Variants in TGOLN2 observed in about 807,000 individuals in gnomAD.
TGOLN2 encodes trans-golgi network protein 2, also known as trans-Golgi network integral membrane protein 2.
In TGOLN2, 19 loss-of-function variants were observed where a neutral mutation model predicts 31.3. The ratio of observed to expected loss-of-function variants is 0.61; its 90% CI spans 0.42 to 0.89. TGOLN2 has a LOEUF of 0.89. Ranked by LOEUF, TGOLN2 falls within the 40% of genes least tolerant of loss-of-function variation. The probability of loss-of-function intolerance (pLI) is 0.00; values close to 1 mark genes in which losing one functional copy is unlikely to be tolerated. For missense variants in TGOLN2, 540 were observed against 559.2 expected, an observed-to-expected ratio of 0.97 and a Z score of 0.35; for synonymous variants, 222 against 226.7, an observed-to-expected ratio of 0.98 and a Z score of 0.19.
In TGOLN2 at chr2:85,324,922, T is replaced by A. The variant is rs1419095048; in HGVS notation, c.1301A>T (p.Asp434Val). The A allele has an allele frequency of 6.4e-7, 1 of 1,554,590 alleles. No individual in the cohort carries two copies. The highest frequency in any genetic ancestry group is 8.7e-7 in the Non-Finnish European group (1 of 1,148,200). Residue 434 changes from aspartate to valine, a missense_variant, in exon 3 of 4, where the codon GAC (aspartate) becomes GTC (valine). By Grantham distance (152) the Asp-to-Val change is radical (BLOSUM62 -3). Transcript: ENST00000377386. Reference sequence around the variant, plus strand: ...TGGCTCCTCCTTCCTTACCTTCTGGTCCAAACGTTGGTAGTCACTGGCCTT... The same window carrying A: ...TGGCTCCTCCTTCCTTACCTTCTGGACCAAACGTTGGTAGTCACTGGCCTT... Reference protein sequence around the residue: ...RPKASDYQRLDQKS With the variant: ...RPKASDYQRLVQKS
chr2:85,327,586 C>A lies in TGOLN2; in HGVS notation c.146G>T (p.Arg49Leu). Reference protein sequence around the residue: ...NVSTHPSLSQRPGGSTKSHPE... With the variant: ...NVSTHPSLSQLPGGSTKSHPE... ...ATGCGACTTGGTAGAGCCTCCAGGC[C>A]GTTGGCTCAAGCTGGGGTGGGTGGA... Residue 49 changes from arginine to leucine, a missense_variant, in exon 2 of 4, where the codon CGG becomes CTG. Physicochemically the swap from Arg to Leu is moderately radical, Grantham distance 102 (BLOSUM62 -2). Coordinates refer to ENST00000377386, the MANE Select transcript of TGOLN2 (RefSeq NM_006464.4). The A allele has an allele frequency of 6.2e-7, 1 of 1,614,090 alleles. No homozygotes were observed. The highest frequency in any genetic ancestry group is 8.5e-7 in the Non-Finnish European group (1 of 1,179,918).
Position 85,327,389 on chromosome 2 carries a change from C to T in TGOLN2, c.343G>A (p.Glu115Lys). 1 of 1,612,900 alleles carries T rather than the reference C, an allele frequency of 6.2e-7. No homozygotes were observed. Among genetic ancestry groups the T allele is most frequent in the Non-Finnish European group, 8.5e-7 (1 of 1,179,692 alleles). The change falls in exon 2 of 4, where the codon GAG becomes AAG. Residue 115 changes from glutamate to lysine, a missense_variant. Coordinates refer to ENST00000377386, the MANE Select transcript of TGOLN2 (RefSeq NM_006464.4). Reference sequence around the variant, plus strand: ...GTGCTGTCTTTTGTGGTCTGCGCCTCCGAACCCGACTTGCTAGTGCTGCCT... The same window carrying T: ...GTGCTGTCTTTTGTGGTCTGCGCCTTCGAACCCGACTTGCTAGTGCTGCCT... Reference protein sequence around the residue: ...QKGSTSKSGSEAQTTKDSTSK... With the variant: ...QKGSTSKSGSKAQTTKDSTSK...
In TGOLN2 at chr2:85,327,097, G is replaced by C. The variant is rs760031986; in HGVS notation, c.635C>G (p.Ala212Gly). The C allele has an allele frequency of 6.2e-7, 1 of 1,613,626 alleles. No individual in the cohort carries two copies. The highest frequency in any genetic ancestry group is 1.3e-5 in the African/African-American group (1 of 74,842). ...TPKDVPNKSG[A>G]EKQTPKDGSN... is the part of the protein sequence containing the mutation. ...GCCGTCTTTTGGAGTCTGCTTCTCC[G>C]CACCCGACTTGTTAGGGACGTCTTT... Residue 212 changes from alanine (A) to glycine (G), a missense_variant, in exon 2 of 4, where the codon GCG becomes GGG. Transcript: ENST00000377386.
chr2:85,322,297 T>C lies in TGOLN2; in HGVS notation c.*439A>G, dbSNP rs943242493. 4 of 250,750 alleles carry C rather than the reference T, an allele frequency of 1.6e-5. No homozygotes were observed. The highest frequency in any genetic ancestry group is 9.4e-5 in the African/African-American group (4 of 42,568). 15.5% of individuals were successfully genotyped at this position (250,750 alleles called of 1,614,324 possible). ...CCCCTAGGTCTGCAGAGAGAAACAG[T>C]GCAGAGTGCAATGCCACAGTCAAGG... On this transcript the variant is annotated 3_prime_UTR_variant, in exon 4 of 4. Coordinates refer to ENST00000377386, the MANE Select transcript of TGOLN2 (RefSeq NM_006464.4).
Position 85,326,647 on chromosome 2 carries a change from GA to G in TGOLN2, c.1084del (p.Ser362ProfsTer29). 6.2e-7 allele frequency: 1 copy of G among 1,614,020 alleles called. No individual in the cohort carries two copies. Among genetic ancestry groups the G allele is most frequent in the South Asian group, 1.1e-5 (1 of 91,082 alleles). On this transcript the variant is annotated frameshift_variant, in exon 2 of 4. Transcript: ENST00000377386. LOFTEE classifies it high-confidence loss of function. The part of the protein sequence containing the change: ...SENREGTLSD[S>X]TGSEKDDLYP... The stretch of plus-strand genomic sequence containing the variant: ...AAGGTCATCCTTCTCGCTACCCGTG[GA>G]ATCCGAAAGTGTCCCTTCACGGTTC...
At position 85,327,039 on chromosome 2, in the gene TGOLN2, T is replaced by G. The variant is rs1335451697; in HGVS notation, c.693A>C (p.Pro231=). Residue 231 remains proline (P), a synonymous_variant, in exon 2 of 4, where the codon CCA becomes CCC. Coordinates refer to ENST00000377386, the MANE Select transcript of TGOLN2 (RefSeq NM_006464.4). ...SNKSGAEEQG[P]IDGPSKSGAE... ...CACCCGACTTGCTGGGCCCGTCTAT[T>G]GGGCCCTGCTCCTCTGCACCGGACT... The G allele has an allele frequency of 6.2e-7, 1 of 1,613,588 alleles. No homozygotes were observed. Among genetic ancestry groups the G allele is most frequent in the African/African-American group, 1.3e-5 (1 of 74,878 alleles).
In TGOLN2 at chr2:85,322,646, G is replaced by A. The variant is rs1341178314; in HGVS notation, c.*90C>T. ...GAAACAAATCAGCAGGGAGGACAAGGTTCTCAAGGACAAAAAAATCAAAGC... is the reference window on the plus strand; with the variant it reads ...GAAACAAATCAGCAGGGAGGACAAGATTCTCAAGGACAAAAAAATCAAAGC... On this transcript the variant is annotated 3_prime_UTR_variant, in exon 4 of 4. Transcript: ENST00000377386. 2 of 1,595,996 alleles carry A rather than the reference G, an allele frequency of 1.3e-6. No individual in the cohort carries two copies. The highest frequency in any genetic ancestry group is 1.9e-5 in the Admixed American group (1 of 53,962).
Position 85,322,499 on chromosome 2 carries a change from C to A in TGOLN2, c.*237G>T. 1.4e-6 allele frequency: 1 copy of A among 692,772 alleles called. No individual in the cohort carries two copies. Among genetic ancestry groups the A allele is most frequent in the Non-Finnish European group, 2.3e-6 (1 of 427,426 alleles). 42.9% of individuals were successfully genotyped at this position (692,772 alleles called of 1,614,324 possible). Reference sequence around the variant, plus strand: ...AAGGGAACACAGAAGAACAATGTCACCAAAGTGCAGGTGCAAAGCCCAAAG... The same window carrying A: ...AAGGGAACACAGAAGAACAATGTCAACAAAGTGCAGGTGCAAAGCCCAAAG... On this transcript the variant is annotated 3_prime_UTR_variant, in exon 4 of 4. Transcript: ENST00000377386.
rs776402399 is a variant in TGOLN2, at chr2:85,326,939, G to A, written c.793C>T (p.Pro265Ser). ...EQPSRKDHSK[P>S]ISNPSDNKEL... Reference sequence around the variant, plus strand: ...TTGTTATCAGAAGGGTTGGAGATGGGCTTGGAATGGTCTTTCCGGGAAGGC... The same window carrying A: ...TTGTTATCAGAAGGGTTGGAGATGGACTTGGAATGGTCTTTCCGGGAAGGC... Residue 265 changes from proline (P) to serine (S), a missense_variant, in exon 2 of 4, where the codon CCC becomes TCC. Physicochemically the swap from Pro to Ser is moderately conservative, Grantham distance 74 (BLOSUM62 -1). Transcript: ENST00000377386. 2.5e-6 allele frequency: 4 copies of A among 1,613,978 alleles called. No individual in the cohort carries two copies. The highest frequency in any genetic ancestry group is 3.4e-6 in the Non-Finnish European group (4 of 1,179,832).
Position 85,322,611 on chromosome 2 carries a change from T to C in TGOLN2, c.*125A>G. On this transcript the variant is annotated 3_prime_UTR_variant, in exon 4 of 4. Transcript: ENST00000377386. ...GTCACAGTACTTTTTTCTTCATTTC[T>C]TTTGATTTAGAAACAAATCAGCAGG... The C allele has an allele frequency of 6.5e-7, 1 of 1,541,506 alleles. No individual in the cohort carries two copies. Among genetic ancestry groups the C allele is most frequent in the Admixed American group, 2.4e-5 (1 of 41,068 alleles).
chr2:85,318,622 G>A lies in TGOLN2; in HGVS notation c.*4114C>T, dbSNP rs534926675. 6.6e-6 allele frequency: 1 copy of A among 152,202 alleles called. No individual in the cohort carries two copies. The highest frequency in any genetic ancestry group is 1.5e-5 in the Non-Finnish European group (1 of 68,048). 9.4% of individuals were successfully genotyped at this position (152,202 alleles called of 1,614,324 possible). The stretch of plus-strand genomic sequence containing the variant: ...GCTGCAATGCTCTAGTTCTCATCAC[G>A]CCCATAGCATCTGGCATCAGGTTAC... On this transcript the variant is annotated 3_prime_UTR_variant, in exon 4 of 4. Transcript: ENST00000377386.
Position 85,326,971 on chromosome 2 carries a change from G to C in TGOLN2, c.761C>G (p.Pro254Arg). The C allele has an allele frequency of 2.5e-6, 4 of 1,613,956 alleles. No homozygotes were observed. Among genetic ancestry groups the C allele is most frequent in the Non-Finnish European group, 3.4e-6 (4 of 1,179,828 alleles). Residue 254 changes from proline (P) to arginine (R), a missense_variant, in exon 2 of 4, where the codon CCA becomes CGA. Coordinates refer to ENST00000377386, the MANE Select transcript of TGOLN2 (RefSeq NM_006464.4). Reference protein sequence around the residue: ...TSKDSPNKVVPEQPSRKDHSK... With the variant: ...TSKDSPNKVVREQPSRKDHSK... ...ATGGTCTTTCCGGGAAGGCTGCTCT[G>C]GAACCACCTTGTTAGGGCTGTCTTT...
chr2:85,324,773 A>C, intron 3 of TGOLN2, 142 bp downstream of exon 3: 3 of 730,112 alleles, frequency 4.1e-6, no homozygotes, highest in South Asian at 1.6e-5. Context: ...TTGTCTAAAA[A>C]GGGCGAATGC....
In TGOLN2 at chr2:85,327,459, T is replaced by C; in HGVS notation, c.273A>G (p.Gln91=). ...CACCCGACTTGTTGGAGCTGTCTTTTTGGGTCTTTGCCTCCGCACCCGACT... is the reference window on the plus strand; with the variant it reads ...CACCCGACTTGTTGGAGCTGTCTTTCTGGGTCTTTGCCTCCGCACCCGACT... ...PNKSGAEAKT[Q]KDSSNKSGAE... is the part of the protein sequence containing the mutation. The change falls in exon 2 of 4, where the codon CAA becomes CAG. Residue 91 remains glutamine, a synonymous_variant. Transcript: ENST00000377386. The C allele has an allele frequency of 1.2e-6, 2 of 1,613,760 alleles. No individual in the cohort carries two copies. The highest frequency in any genetic ancestry group is 2.7e-5 in the African/African-American group (2 of 74,966).
chr2:85,326,020 T>C (rs1054010627), intron 2 of TGOLN2, among the ~76,000 whole-genome samples: 1 of 152,208 alleles, frequency 6.6e-6, no homozygotes, highest in African/African-American at 2.4e-5. Context: ...TAATTATTAT[T>C]AATTGCAGAA....
intron 2 of TGOLN2, among the ~76,000 whole-genome samples, chr2:85,326,057 C>G (rs544003376): frequency 6.6e-6 from 1 of 151,610 alleles, no homozygotes; most frequent in African/African-American, 2.4e-5. Flanking sequence ...GTCCTGGTAT[C>G]GAAGACGCAG....
rs969074020 is a variant in TGOLN2 at position 85,327,679 on chromosome 2, A to G, written c.53T>C (p.Val18Ala). Reference sequence around the variant, plus strand: ...GACGCTTTCGGTGGCCAAGAGCGGCACGGCTCCTGAAATAGAAAAACGAGT... The same window carrying G: ...GACGCTTTCGGTGGCCAAGAGCGGCGCGGCTCCTGAAATAGAAAAACGAGT... ...VLLNVAAAGA[V>A]PLLATESVKQ... The change falls in exon 2 of 4, where the codon GTG (valine) becomes GCG (alanine). Residue 18 changes from valine to alanine, a missense_variant. Physicochemically the swap from Val to Ala is moderately conservative, Grantham distance 64. Coordinates refer to ENST00000377386, the MANE Select transcript of TGOLN2 (RefSeq NM_006464.4). The G allele has an allele frequency of 6.2e-7, 1 of 1,610,678 alleles. No individual in the cohort carries two copies. Among genetic ancestry groups the G allele is most frequent in the African/African-American group, 1.3e-5 (1 of 74,602 alleles).
rs746552760 is a variant in TGOLN2 at position 85,327,587 on chromosome 2, G to A, written c.145C>T (p.Arg49Trp). 3.7e-6 allele frequency: 6 copies of A among 1,613,962 alleles called. No individual in the cohort carries two copies. Among genetic ancestry groups the A allele is most frequent in the African/African-American group, 1.3e-5 (1 of 74,946 alleles). ...NVSTHPSLSQRPGGSTKSHPE... is the reference protein window; with the variant it reads ...NVSTHPSLSQWPGGSTKSHPE... ...TGCGACTTGGTAGAGCCTCCAGGCC[G>A]TTGGCTCAAGCTGGGGTGGGTGGAG... Residue 49 changes from arginine (R) to tryptophan (W), a missense_variant, in exon 2 of 4, where the codon CGG (arginine) becomes TGG (tryptophan). Physicochemically the swap from Arg to Trp is moderately radical, Grantham distance 101. Coordinates refer to ENST00000377386, the MANE Select transcript of TGOLN2 (RefSeq NM_006464.4).
Position 85,327,672 on chromosome 2 carries a change from G to C in TGOLN2, c.60C>G (p.Leu20=). The C allele has an allele frequency of 6.2e-7, 1 of 1,611,890 alleles. No individual in the cohort carries two copies. Residue 20 remains leucine (L), a synonymous_variant, in exon 2 of 4, where the codon CTC becomes CTG. Coordinates refer to ENST00000377386, the MANE Select transcript of TGOLN2 (RefSeq NM_006464.4). ...LNVAAAGAVP[L]LATESVKQEE... is the part of the protein sequence containing the mutation. ...CTTGCTTGACGCTTTCGGTGGCCAA[G>C]AGCGGCACGGCTCCTGAAATAGAAA... is the stretch of plus-strand genomic sequence containing the variant.
Sources: gnomAD v4.1 joint callset for allele counts (sites outside exome capture counted in the v4.1 genomes callset) on GRCh38, gnomAD v4.1.1 for gene constraint, MANE v1.5 for transcripts, NCBI Gene and HGNC (gene_info 2026-07-23, HGNC 2026-07-21) for gene names.